HTRA3: variants seen among roughly 807,000 people sequenced by gnomAD.
HTRA3 encodes serine protease HTRA3.
HTRA3 carries 41 observed loss-of-function variants against 43.2 expected under a neutral mutation model. The observed-to-expected ratio is 0.95, with a 90% CI of 0.74 to 1.23. The LOEUF (loss-of-function observed/expected upper bound fraction) is 1.23. Among genes scored for constraint, HTRA3 ranks in the 50% most tolerant of loss-of-function variants. HTRA3 has a pLI of 0.00. For missense variants in HTRA3, 628 were observed against 647.1 expected, an observed-to-expected ratio of 0.97 and a Z score of 0.32; for synonymous variants, 295 against 287.9, an observed-to-expected ratio of 1.02 and a Z score of -0.25.
chr4:8,277,483 G>A (rs994422824), intron 1 of HTRA3, among the ~76,000 whole-genome samples: 3 of 152,316 alleles, frequency 2.0e-5, no homozygotes, highest in South Asian at 2.1e-4. Context: ...GGTACGAGGT[G>A]CTGTTGGGCC....
intron 6 of HTRA3, among the ~76,000 whole-genome samples, chr4:8,298,118 C>T (rs1163150419): frequency 3.3e-5 from 5 of 152,228 alleles, no homozygotes; most frequent in African/African-American, 4.8e-5. Context: ...CTCTGGGCTC[C>T]TCCGGATGCT....
chr4:8,297,914 G>T lies in HTRA3; in HGVS notation c.1051+3713G>T, dbSNP rs529860007. ...CCCTGCTCCTGCAGCCCCACCTGCC[G>T]TCCCCACTGAGTTATGTCAGCCTTG... On this transcript the variant is annotated intron_variant, in intron 6 of 8. Transcript: ENST00000307358. The surrounding 1 kb of genome is among the most constrained non-coding windows in gnomAD (Gnocchi z 5.8). Among the ~76,000 whole-genome samples, 1 of 152,132 alleles carries T rather than the reference G, an allele frequency of 6.6e-6. No homozygotes were observed. The highest frequency in any genetic ancestry group is 1.5e-5 in the Non-Finnish European group (1 of 68,030).
At position 8,286,539 on chromosome 4, in the gene HTRA3, G is replaced by A. The variant is rs1201050933; in HGVS notation, c.486-22G>A. The A allele has an allele frequency of 4.4e-6, 7 of 1,608,814 alleles. No individual in the cohort carries two copies. The highest frequency in any genetic ancestry group is 2.2e-5 in the East Asian group (1 of 44,798). On this transcript the variant is annotated intron_variant, in intron 2 of 8. Coordinates refer to ENST00000307358, the MANE Select transcript of HTRA3 (RefSeq NM_053044.5). The surrounding 1 kb of genome is among the most constrained non-coding windows in gnomAD (Gnocchi z 4.9). ...CGTCCTAGCCCCACCCTAAATGCCC[G>A]CCTGTGTCTCCCTGGCTGCAGACAC...
intron 2 of HTRA3, among the ~76,000 whole-genome samples, chr4:8,284,981 A>G (rs1712897647): frequency 6.6e-6 from 1 of 152,148 alleles, no homozygotes; most frequent in Admixed American, 6.5e-5. Flanking sequence ...GTCCTAATCA[A>G]GCAGGGCTGC....
chr4:8,291,289 C>T, intron 3 of HTRA3, 81 bp from the exon 4 acceptor site: 1 of 1,256,276 alleles, frequency 8.0e-7, no homozygotes, highest in Non-Finnish European at 1.2e-6. Flanking sequence ...CTGGGACCCC[C>T]CTGCCAGGAT....
chr4:8,304,398 G>C lies in HTRA3; in HGVS notation c.1196+119G>C, dbSNP rs1040892178. On this transcript the variant is annotated intron_variant, in intron 8 of 8. Coordinates refer to ENST00000307358, the MANE Select transcript of HTRA3 (RefSeq NM_053044.5). ...CCAGCAAAGTGACCGGGAAGGGGCA[G>C]GTGGATTCTAGCGTGTCTGCTAAGC... 4.0e-6 allele frequency: 3 copies of C among 742,570 alleles called. No homozygotes were observed. The African/African-American group carries it at 5.2e-5, about 13-fold the overall frequency. 46.0% of individuals were successfully genotyped at this position (742,570 alleles called of 1,614,324 possible).
rs968939068 is a variant in HTRA3, at chr4:8,296,643, G to A, written c.1051+2442G>A. 2.0e-5 allele frequency among the ~76,000 whole-genome samples: 3 copies of A among 152,226 alleles called. No homozygotes were observed. Among genetic ancestry groups the A allele is most frequent in the Non-Finnish European group, 4.4e-5 (3 of 68,042 alleles). On this transcript the variant is annotated intron_variant, in intron 6 of 8. Coordinates refer to ENST00000307358, the MANE Select transcript of HTRA3 (RefSeq NM_053044.5). This position sits in a 1 kb window ranked among gnomAD's most constrained non-coding sequence, Gnocchi z 5.3. The stretch of plus-strand genomic sequence containing the variant: ...TGGGGGAGCCCCAGGAGGGCTTGGG[G>A]TCCAGCCAGCCTTAGGACCAGAGAG...
rs960427915 is a variant in HTRA3 at position 8,279,999 on chromosome 4, C to T, written c.386-2438C>T. ...ATAAGGCTGTGAGCAGCGGCAGATT[C>T]GGTACAACTGGGGCTGCTGCGGGGC... On this transcript the variant is annotated intron_variant, in intron 1 of 8. Coordinates refer to ENST00000307358, the MANE Select transcript of HTRA3 (RefSeq NM_053044.5). This position sits in a 1 kb window ranked among gnomAD's most constrained non-coding sequence, Gnocchi z 7.4. 5.3e-5 allele frequency among the ~76,000 whole-genome samples: 8 copies of T among 152,152 alleles called. No individual in the cohort carries two copies. The highest frequency in any genetic ancestry group is 1.9e-4 in the East Asian group (1 of 5,178).
Position 8,295,780 on chromosome 4 carries a change from C to G in HTRA3, c.1051+1579C>G. ...ACCCCGTCAGCCAAGCACATGGACC[C>G]CAGTGCAGCCAAGGCTGGTGCCATG... is the stretch of plus-strand genomic sequence containing the variant. On this transcript the variant is annotated intron_variant, in intron 6 of 8. Transcript: ENST00000307358. The surrounding 1 kb of genome is among the most constrained non-coding windows in gnomAD (Gnocchi z 6.9). 7.8e-7 allele frequency: 1 copy of G among 1,275,172 alleles called. No homozygotes were observed. Among genetic ancestry groups the G allele is most frequent in the Non-Finnish European group, 9.9e-7 (1 of 1,008,114 alleles). The allele number at this position is 1,275,172 out of a possible 1,614,324, so 79.0% of individuals were successfully genotyped here.
rs1272439372 is a variant in HTRA3, at chr4:8,296,751, G to A, written c.1051+2550G>A. Reference sequence around the variant, plus strand: ...CATCTGCCCCTCTGTGGACTGTGGGGAACAGTGCAGTTCATAGGTGGGAGA... The same window carrying A: ...CATCTGCCCCTCTGTGGACTGTGGGAAACAGTGCAGTTCATAGGTGGGAGA... On this transcript the variant is annotated intron_variant, in intron 6 of 8. Transcript: ENST00000307358. This position sits in a 1 kb window ranked among gnomAD's most constrained non-coding sequence, Gnocchi z 5.3. 6.6e-6 allele frequency among the ~76,000 whole-genome samples: 1 copy of A among 152,184 alleles called. No individual in the cohort carries two copies. The highest frequency in any genetic ancestry group is 1.5e-5 in the Non-Finnish European group (1 of 68,034).
chr4:8,288,118 A>G (rs895660949), intron 3 of HTRA3, among the ~76,000 whole-genome samples: 1 of 152,160 alleles, frequency 6.6e-6, no homozygotes, highest in Admixed American at 6.5e-5. Flanking sequence ...CCATCAAGGG[A>G]GAGGAGATTT....
chr4:8,295,924 C>T lies in HTRA3; in HGVS notation c.1051+1723C>T, dbSNP rs772927187. ...TCTTTCCCAAAGAAGCTGAAGTCTT[C>T]TTCTCTTGAACAGTGGGGACCATCT... On this transcript the variant is annotated intron_variant, in intron 6 of 8. Transcript: ENST00000307358. The surrounding 1 kb of genome is among the most constrained non-coding windows in gnomAD (Gnocchi z 6.9). 4.0e-5 allele frequency: 49 copies of T among 1,229,558 alleles called. No homozygotes were observed. Among genetic ancestry groups the T allele is most frequent in the Admixed American group, 1.7e-4 (4 of 23,608 alleles). The allele number at this position is 1,229,558 out of a possible 1,614,324, so 76.2% of individuals were successfully genotyped here.
Position 8,286,582 on chromosome 4 carries a change from C to G in HTRA3, c.507C>G (p.Asn169Lys). ...LFLRHPLFGR[N>K]VPLSSGSGFI... ...GCAGACACCCGCTGTTTGGCCGCAA[C>G]GTGCCCCTGTCCAGCGGTTCTGGCT... The change falls in exon 3 of 9, where the codon AAC becomes AAG. Residue 169 changes from asparagine (N) to lysine (K), a missense_variant. Coordinates refer to ENST00000307358, the MANE Select transcript of HTRA3 (RefSeq NM_053044.5). This position sits in a 1 kb window ranked among gnomAD's most constrained non-coding sequence, Gnocchi z 4.9. 3.1e-6 allele frequency: 5 copies of G among 1,613,956 alleles called. No homozygotes were observed. Among genetic ancestry groups the G allele is most frequent in the Non-Finnish European group, 4.2e-6 (5 of 1,180,020 alleles).
chr4:8,287,495 C>A (rs1159831334), intron 3 of HTRA3, among the ~76,000 whole-genome samples: 1 of 152,142 alleles, frequency 6.6e-6, no homozygotes, highest in Non-Finnish European at 1.5e-5. Context: ...AGGAGACATA[C>A]AATCATGACG....
intron 6 of HTRA3, among the ~76,000 whole-genome samples, chr4:8,300,596 T>C (rs1713601485): frequency 6.6e-6 from 1 of 152,226 alleles, no homozygotes; most frequent in Admixed American, 6.5e-5. Flanking sequence ...TAATTTGTGA[T>C]GTTGATAACT....
In HTRA3 at chr4:8,295,531, C is replaced by T. The variant is rs914579256; in HGVS notation, c.1051+1330C>T. On this transcript the variant is annotated intron_variant, in intron 6 of 8. Transcript: ENST00000307358. The surrounding 1 kb of genome is among the most constrained non-coding windows in gnomAD (Gnocchi z 6.9). ...CACCTTCCAGAGCAGGGCCATGCTTCCAATCGCAGGGCCTTTCCTGGGGGC... is the reference window on the plus strand; with the variant it reads ...CACCTTCCAGAGCAGGGCCATGCTTTCAATCGCAGGGCCTTTCCTGGGGGC... 2.6e-5 allele frequency among the ~76,000 whole-genome samples: 4 copies of T among 152,222 alleles called. No individual in the cohort carries two copies. Among genetic ancestry groups the T allele is most frequent in the Non-Finnish European group, 4.4e-5 (3 of 68,016 alleles).
intron 1 of HTRA3, among the ~76,000 whole-genome samples, chr4:8,282,046 G>A (rs1712768085): frequency 6.6e-6 from 1 of 152,188 alleles, no homozygotes; most frequent in Admixed American, 6.5e-5. Flanking sequence ...TAAGGGTATT[G>A]CTGTAGCATG....
chr4:8,293,766 A>G (rs550544417), intron 5 of HTRA3, among the ~76,000 whole-genome samples: 1 of 152,262 alleles, frequency 6.6e-6, no homozygotes, highest in Admixed American at 6.5e-5. Flanking sequence ...CGGTCCCTCC[A>G]AACATGGCTT....
chr4:8,274,828 C>T (rs1216511389), intron 1 of HTRA3, among the ~76,000 whole-genome samples: 3 of 152,186 alleles, frequency 2.0e-5, no homozygotes, highest in African/African-American at 7.2e-5. Flanking sequence ...AATGTAGAGC[C>T]CCAGAGCAGT....
Sources: gnomAD v4.1 joint callset for allele counts (sites outside exome capture counted in the v4.1 genomes callset) on GRCh38, gnomAD v4.1.1 for gene constraint, Gnocchi (gnomAD v3.1) non-coding constraint, MANE v1.5 for transcripts, NCBI Gene and HGNC (gene_info 2026-07-23, HGNC 2026-07-21) for gene names.